The following PRKCE variants were observed in gnomAD, a reference collection of about 807,000 sequenced individuals.
The protein encoded by PRKCE is protein kinase C epsilon type.
PRKCE carries 16 observed loss-of-function variants against 85.4 expected under a neutral mutation model. That is an observed-to-expected ratio of 0.19 (90% CI 0.13 to 0.28). PRKCE has a LOEUF of 0.28. Ranked by LOEUF, PRKCE falls within the 10% of genes least tolerant of loss-of-function variation. The probability of loss-of-function intolerance (pLI) is 1.00; values close to 1 mark genes in which losing one functional copy is unlikely to be tolerated. For missense variants in PRKCE, 573 were observed against 975.2 expected, an observed-to-expected ratio of 0.59 and a Z score of 5.49; for synonymous variants, 388 against 371.5, an observed-to-expected ratio of 1.04 and a Z score of -0.51.
At chr2:45,721,311 G>C (rs2104460575) in intron 1 of PRKCE, among the ~76,000 whole-genome samples, 1 of 152,254 alleles carries the variant, frequency 6.6e-6, no homozygotes, top group African/African-American at 2.4e-5. Context: ...CCTTGGGGAA[G>C]CAAGACACAC....
chr2:46,174,831 A>G (rs114123422), intron 14 of PRKCE, among the ~76,000 whole-genome samples: 4,595 of 152,176 alleles, frequency 0.03, 89 homozygotes, highest in East Asian at 0.084. Flanking sequence ...CTGGGACTAC[A>G]GGCACGTGCC....
intron 2 of PRKCE, among the ~76,000 whole-genome samples, chr2:45,961,907 C>T (rs1353980814): frequency 6.6e-6 from 1 of 152,116 alleles, no homozygotes. Flanking sequence ...GTTGGTCAGG[C>T]TGGTCTCGAA....
At chr2:45,747,669 G>C (rs1421329820) in intron 1 of PRKCE, among the ~76,000 whole-genome samples, 1 of 152,180 alleles carries the variant, frequency 6.6e-6, no homozygotes, top group African/African-American at 2.4e-5. Context: ...ATGAACATGG[G>C]TATACAACTA....
intron 1 of PRKCE, among the ~76,000 whole-genome samples, chr2:45,709,602 C>T (rs1679430992): frequency 6.6e-6 from 1 of 152,234 alleles, no homozygotes; most frequent in African/African-American, 2.4e-5. Flanking sequence ...GGCTATGGTT[C>T]TGCCTTAGTG....
chr2:46,001,626 G>A lies in PRKCE; in HGVS notation c.966+80G>A. On this transcript the variant is annotated intron_variant, in intron 7 of 14. Transcript: ENST00000306156. This position sits in a 1 kb window ranked among gnomAD's most constrained non-coding sequence, Gnocchi z 4.4. ...GCTGACTTCCAGAGGGTGCTCTGGAGTGAGGTAATAAGATTCCTGGGTTTG... is the reference window on the plus strand; with the variant it reads ...GCTGACTTCCAGAGGGTGCTCTGGAATGAGGTAATAAGATTCCTGGGTTTG... The A allele has an allele frequency of 6.9e-7, 1 of 1,453,484 alleles. No homozygotes were observed. The highest frequency in any genetic ancestry group is 9.2e-7 in the Non-Finnish European group (1 of 1,088,622). 90.0% of individuals were successfully genotyped at this position (1,453,484 alleles called of 1,614,324 possible). A position where few individuals can be genotyped will look rare whatever the true frequency, so the allele number is the denominator to read the frequency against.
At chr2:46,168,016 T>C (rs1411697223) in intron 14 of PRKCE, 1 of 152,164 alleles carries the variant, frequency 6.6e-6, no homozygotes, top group East Asian at 1.9e-4. Flanking sequence ...TGCAGGAATT[T>C]TGCCATTTGA....
intron 11 of PRKCE, among the ~76,000 whole-genome samples, chr2:46,109,625 T>G (rs1574493269): frequency 6.6e-6 from 1 of 152,190 alleles, no homozygotes; most frequent in Non-Finnish European, 1.5e-5. Flanking sequence ...ATTTTCTACA[T>G]AGACAATTAT....
chr2:45,934,492 T>C (rs920209686), intron 2 of PRKCE, among the ~76,000 whole-genome samples: 1 of 151,748 alleles, frequency 6.6e-6, no homozygotes, highest in Non-Finnish European at 1.5e-5. Context: ...CTACTAAAAA[T>C]ACAAAAATTA....
At chr2:46,117,372 G>C (rs750623250) in intron 11 of PRKCE, among the ~76,000 whole-genome samples, 4 of 152,204 alleles carry the variant, frequency 2.6e-5, no homozygotes, top group Non-Finnish European at 5.9e-5. Flanking sequence ...TTTGGGAGTA[G>C]ATCTGATTTC....
intron 12 of PRKCE, among the ~76,000 whole-genome samples, chr2:46,147,021 G>T (rs370677343): frequency 6.6e-6 from 1 of 152,204 alleles, no homozygotes; most frequent in Non-Finnish European, 1.5e-5. Context: ...AAGGCAGGGA[G>T]TGAGGGACTG....
intron 2 of PRKCE, among the ~76,000 whole-genome samples, chr2:45,947,906 G>C (rs1700348293): frequency 6.6e-6 from 1 of 152,170 alleles, no homozygotes; most frequent in Non-Finnish European, 1.5e-5. Flanking sequence ...GTTTGGAGTT[G>C]TAAAAATGAC....
chr2:45,991,514 T>C (rs1179383964), intron 6 of PRKCE, among the ~76,000 whole-genome samples: 2 of 152,250 alleles, frequency 1.3e-5, no homozygotes, highest in African/African-American at 4.8e-5. Context: ...TCCAAGGCAG[T>C]GTACAGACAT....
chr2:46,093,380 G>A (rs760182257), intron 11 of PRKCE, among the ~76,000 whole-genome samples: 8 of 150,086 alleles, frequency 5.3e-5, no homozygotes, highest in Non-Finnish European at 8.9e-5. Flanking sequence ...GTTCTACATG[G>A]TGTTTTGGTT....
At chr2:45,974,019 C>G (rs1485362135) in intron 2 of PRKCE, among the ~76,000 whole-genome samples, 2 of 152,126 alleles carry the variant, frequency 1.3e-5, no homozygotes, top group South Asian at 2.1e-4. Context: ...TGCTCTTTTA[C>G]GAAAATAACC....
intron 10 of PRKCE, among the ~76,000 whole-genome samples, chr2:46,045,054 T>C (rs1708437010): frequency 6.6e-6 from 1 of 152,234 alleles, no homozygotes; most frequent in Non-Finnish European, 1.5e-5. Flanking sequence ...TTTTTTAAGC[T>C]CCGGGTTGTG....
intron 12 of PRKCE, among the ~76,000 whole-genome samples, chr2:46,149,697 A>G (rs1447361144): frequency 6.8e-6 from 1 of 147,094 alleles, no homozygotes; most frequent in Non-Finnish European, 1.5e-5. Flanking sequence ...TCATCTCCAT[A>G]TATATATATA....
intron 10 of PRKCE, among the ~76,000 whole-genome samples, chr2:46,044,939 A>C (rs542357320): frequency 5.3e-5 from 8 of 152,316 alleles, no homozygotes; most frequent in African/African-American, 1.7e-4. Flanking sequence ...GTATCTTCTT[A>C]TTCTATATAC....
intron 4 of PRKCE, among the ~76,000 whole-genome samples, chr2:45,979,458 T>C (rs1011356331): frequency 6.6e-6 from 1 of 152,238 alleles, no homozygotes; most frequent in African/African-American, 2.4e-5. Flanking sequence ...ATCCCTTTTT[T>C]TGGTCTTGGC....
chr2:46,183,083 A>C (rs1366660502), intron 14 of PRKCE, among the ~76,000 whole-genome samples: 3 of 152,216 alleles, frequency 2.0e-5, no homozygotes, highest in Non-Finnish European at 4.4e-5. Context: ...TGAGCGAATA[A>C]ATGCAAAGAT....
Sources: allele counts gnomAD v4.1 joint callset (sites outside exome capture counted in the v4.1 genomes callset), GRCh38; gene constraint gnomAD v4.1.1; non-coding constraint Gnocchi (gnomAD v3.1); transcripts MANE v1.5; gene names NCBI Gene and HGNC (gene_info 2026-07-23, HGNC 2026-07-21).